The following PPM1L variants were observed in gnomAD, a reference collection of about 807,000 sequenced individuals.
PPM1L encodes protein phosphatase 1L.
A neutral mutation model predicts 31.4 loss-of-function variants in PPM1L; 13 were observed. The ratio of observed to expected loss-of-function variants is 0.41; its 90% confidence interval spans 0.27 to 0.66. The LOEUF (loss-of-function observed/expected upper bound fraction) is 0.66. Among genes scored for constraint, PPM1L ranks in the 30% least tolerant of loss-of-function variants. PPM1L has a pLI of 0.29. For missense variants in PPM1L, 326 were observed against 453.7 expected (o/e 0.72, Z 2.56); for synonymous variants, 184 against 175.4 (o/e 1.05, Z -0.39).
intron 1 of PPM1L, among the ~76,000 whole-genome samples, chr3:160,803,198 G>A (rs7618082): frequency 0.1 from 15,510 of 152,214 alleles, 1,275 homozygotes; most frequent in African/African-American, 0.22. Context: ...CCCGAAAGTA[G>A]GCAGTCATAT....
At chr3:160,970,781 G>A (rs1322945207) in intron 2 of PPM1L, among the ~76,000 whole-genome samples, 3 of 107,946 alleles carry the variant, frequency 2.8e-5, no homozygotes, top group Non-Finnish European at 4.1e-5. Context: ...TTTAATTTCA[G>A]TTATAATTTT....
chr3:160,848,107 T>C (rs1714138026), intron 1 of PPM1L, among the ~76,000 whole-genome samples: 1 of 152,224 alleles, frequency 6.6e-6, no homozygotes, highest in African/African-American at 2.4e-5. Flanking sequence ...TGGTGCTTCC[T>C]ATTGCTCCCG....
chr3:161,045,289 G>A (rs1302803980), intron 2 of PPM1L, among the ~76,000 whole-genome samples: 1 of 152,158 alleles, frequency 6.6e-6, no homozygotes. Context: ...CATCTACAGA[G>A]CGCTCCACCA....
chr3:160,821,583 C>T (rs896526376), intron 1 of PPM1L, among the ~76,000 whole-genome samples: 3 of 151,976 alleles, frequency 2.0e-5, no homozygotes, highest in Non-Finnish European at 2.9e-5. Flanking sequence ...AATAAAACCA[C>T]AAAAAATAAT....
chr3:160,874,750 C>G (rs1390540202), intron 1 of PPM1L, among the ~76,000 whole-genome samples: 3 of 152,198 alleles, frequency 2.0e-5, no homozygotes, highest in African/African-American at 7.2e-5. Flanking sequence ...CCTCCTGGTC[C>G]TCTTTCTTTC....
intron 1 of PPM1L, among the ~76,000 whole-genome samples, chr3:160,812,503 G>A (rs1712842356): frequency 6.6e-6 from 1 of 152,164 alleles, no homozygotes; most frequent in Admixed American, 6.5e-5. Context: ...TGTGATTTCA[G>A]AAATAGTCTT....
At chr3:160,812,980 T>C (rs1158473526) in intron 1 of PPM1L, among the ~76,000 whole-genome samples, 2 of 152,244 alleles carry the variant, frequency 1.3e-5, no homozygotes, top group Non-Finnish European at 2.9e-5. Context: ...CTTGTTAATA[T>C]GTTACTTAAA....
intron 2 of PPM1L, among the ~76,000 whole-genome samples, chr3:161,028,673 T>C (rs1005317398): frequency 6.6e-6 from 1 of 151,918 alleles, no homozygotes; most frequent in East Asian, 1.9e-4. Flanking sequence ...TTACTATCCC[T>C]CTCCTACCAC....
chr3:161,056,286 C>T (rs1314444725), intron 2 of PPM1L, among the ~76,000 whole-genome samples: 1 of 152,164 alleles, frequency 6.6e-6, no homozygotes, highest in Non-Finnish European at 1.5e-5. Flanking sequence ...GAATCTGAAT[C>T]TGAATGTGTA....
At chr3:160,939,106 T>C (rs924209917) in intron 1 of PPM1L, among the ~76,000 whole-genome samples, 4 of 152,148 alleles carry the variant, frequency 2.6e-5, no homozygotes, top group Non-Finnish European at 5.9e-5. Context: ...GTGTTCAACA[T>C]ATAGAGAGTT....
chr3:161,005,337 A>G (rs972937267), intron 2 of PPM1L, among the ~76,000 whole-genome samples: 2 of 152,180 alleles, frequency 1.3e-5, no homozygotes, highest in Admixed American at 6.6e-5. Flanking sequence ...CTATGAAAAA[A>G]CAAAGTGAGT....
chr3:160,772,598 T>C (rs1447972569), intron 1 of PPM1L, among the ~76,000 whole-genome samples: 1 of 152,230 alleles, frequency 6.6e-6, no homozygotes, highest in Non-Finnish European at 1.5e-5. Flanking sequence ...GCTTAATATA[T>C]GCAATTTGAT....
chr3:160,885,228 C>G, intron 1 of PPM1L, among the ~76,000 whole-genome samples: 1 of 152,076 alleles, frequency 6.6e-6, no homozygotes, highest in Admixed American at 6.5e-5. Context: ...TAATTGCTTA[C>G]TTTTTTTTGG....
intron 1 of PPM1L, among the ~76,000 whole-genome samples, chr3:160,800,139 CTAT>C (rs1313538921): frequency 5.3e-5 from 8 of 152,122 alleles, no homozygotes; most frequent in Non-Finnish European, 1.2e-4. Flanking sequence ...TTTAAATTGT[CTAT>C]TATTGTTATC....
At chr3:160,828,673 A>G (rs1713424199) in intron 1 of PPM1L, among the ~76,000 whole-genome samples, 2 of 152,076 alleles carry the variant, frequency 1.3e-5, no homozygotes, top group Admixed American at 1.3e-4. Context: ...ACACATGGTC[A>G]TGGTACCACC....
chr3:160,922,735 A>G (rs914126923), intron 1 of PPM1L, among the ~76,000 whole-genome samples: 1 of 152,226 alleles, frequency 6.6e-6, no homozygotes, highest in Non-Finnish European at 1.5e-5. Flanking sequence ...AAAAGGATTT[A>G]TACACTTTTG....
intron 1 of PPM1L, among the ~76,000 whole-genome samples, chr3:160,806,495 C>G (rs1458289052): frequency 3.9e-5 from 6 of 152,128 alleles, no homozygotes; most frequent in Non-Finnish European, 5.9e-5. Context: ...TTCAACTATT[C>G]ACAATTGTTG....
At chr3:160,852,730 A>G (rs1013832042) in intron 1 of PPM1L, among the ~76,000 whole-genome samples, 3 of 152,294 alleles carry the variant, frequency 2.0e-5, no homozygotes, top group East Asian at 1.9e-4. Flanking sequence ...TACTTTTCCA[A>G]TTGTATTCTG....
chr3:160,770,502 C>T (rs972551794), intron 1 of PPM1L, among the ~76,000 whole-genome samples: 4 of 152,104 alleles, frequency 2.6e-5, no homozygotes, highest in Non-Finnish European at 5.9e-5. Flanking sequence ...TTGATAATCA[C>T]AGAATAGACT....
Sources: allele counts gnomAD v4.1 joint callset (sites outside exome capture counted in the v4.1 genomes callset), GRCh38; gene constraint gnomAD v4.1.1; transcripts MANE v1.5; gene names NCBI Gene and HGNC (gene_info 2026-07-23, HGNC 2026-07-21).